The following XIRP2 variants were observed in gnomAD, a reference collection of about 807,000 sequenced individuals.
XIRP2 encodes the protein xin actin-binding repeat-containing protein 2.
XIRP2 carries 236 observed loss-of-function variants against 277.0 expected under a neutral mutation model. That is an observed-to-expected ratio of 0.85 (90% CI 0.77 to 0.95). XIRP2 has a LOEUF of 0.95. Ranked by LOEUF, XIRP2 falls within the 40% of genes least tolerant of loss-of-function variation. XIRP2 has a pLI of 0.00. For missense variants in XIRP2, 4,640 were observed against 4,157.5 expected, an observed-to-expected ratio of 1.12 and a Z score of -3.19; for synonymous variants, 1,490 against 1,416.5, an observed-to-expected ratio of 1.05 and a Z score of -1.17.
intron 3 of XIRP2, among the ~76,000 whole-genome samples, chr2:167,188,785 G>T (rs140658489): frequency 3.3e-5 from 5 of 152,180 alleles, no homozygotes; most frequent in African/African-American, 1.2e-4. Flanking sequence ...CCAACTGTTT[G>T]GGAAAAATGC....
rs150266093 is a variant in XIRP2 at position 167,115,521 on chromosome 2, T to C, written c.409-20388T>C. 1.3e-3 allele frequency among the ~76,000 whole-genome samples: 205 copies of C among 152,280 alleles called. 7 individuals are homozygous for C. In the East Asian group the frequency reaches 0.034, roughly 26 times the overall value. ...TTGAAGTTGCCGTCCTTTGGATGAA[T>C]TGTTTGGCTTTTTTCTTCTTTGATG... On this transcript the variant is annotated intron_variant, in intron 2 of 10. Coordinates refer to ENST00000409195, the MANE Select transcript of XIRP2 (RefSeq NM_152381.6).
intron 2 of XIRP2, among the ~76,000 whole-genome samples, chr2:167,087,616 C>T (rs1294892343): frequency 2.6e-5 from 4 of 152,306 alleles, no homozygotes; most frequent in Admixed American, 6.5e-5. Flanking sequence ...TAGGACCCTC[C>T]GAGCCAGGTG....
chr2:167,059,250 T>A (rs1457808965), intron 2 of XIRP2, among the ~76,000 whole-genome samples: 1 of 151,288 alleles, frequency 6.6e-6, no homozygotes, highest in East Asian at 1.9e-4. Context: ...ATTATAGGTT[T>A]CTACCACCAT....
intron 2 of XIRP2, among the ~76,000 whole-genome samples, chr2:167,102,683 A>G (rs1690518197): frequency 6.6e-6 from 1 of 152,224 alleles, no homozygotes; most frequent in African/African-American, 2.4e-5. Context: ...ATCTGTCTTC[A>G]GAAAGATCAA....
chr2:167,215,169 T>C (rs1452294510), intron 4 of XIRP2, among the ~76,000 whole-genome samples: 2 of 152,184 alleles, frequency 1.3e-5, no homozygotes, highest in Non-Finnish European at 2.9e-5. Flanking sequence ...TATTGTGGCC[T>C]TAATTCACCC....
chr2:166,973,067 GC>G (rs1319656427), intron 2 of XIRP2, among the ~76,000 whole-genome samples: 2 of 151,888 alleles, frequency 1.3e-5, no homozygotes, highest in African/African-American at 4.8e-5. Flanking sequence ...AGTAAATCTG[GC>G]TTGAATCGTT....
intron 5 of XIRP2, among the ~76,000 whole-genome samples, chr2:167,223,488 G>A (rs1038277506): frequency 3.9e-5 from 6 of 152,144 alleles, no homozygotes; most frequent in Non-Finnish European, 5.9e-5. Flanking sequence ...ACAATCTCTA[G>A]ACAATGCTAG....
intron 3 of XIRP2, among the ~76,000 whole-genome samples, chr2:167,181,851 C>T (rs960742436): frequency 3.3e-5 from 5 of 152,138 alleles, no homozygotes; most frequent in Non-Finnish European, 7.3e-5. Flanking sequence ...TGAGTCAAGA[C>T]GGTCCACATT....
intron 5 of XIRP2, among the ~76,000 whole-genome samples, chr2:167,227,361 G>A (rs1421171704): frequency 3.9e-5 from 6 of 152,050 alleles, no homozygotes; most frequent in Non-Finnish European, 8.8e-5. Flanking sequence ...TTTGCTGGTG[G>A]TAGACTATAT....
At chr2:167,183,505 T>C (rs1693074568) in intron 3 of XIRP2, among the ~76,000 whole-genome samples, 1 of 152,230 alleles carries the variant, frequency 6.6e-6, no homozygotes, top group Non-Finnish European at 1.5e-5. Flanking sequence ...AAGTTTTGTA[T>C]TTTGCTATTT....
chr2:167,033,198 C>T (rs1688414959), intron 2 of XIRP2, among the ~76,000 whole-genome samples: 1 of 152,014 alleles, frequency 6.6e-6, no homozygotes, highest in African/African-American at 2.4e-5. Flanking sequence ...GAACAGAAAA[C>T]CAAACACTGC....
chr2:167,249,080 A>C lies in XIRP2; in HGVS notation c.7688A>C (p.Gln2563Pro), dbSNP rs1336650475. The C allele has an allele frequency of 2.5e-6, 4 of 1,613,466 alleles. No individual in the cohort carries two copies. The highest frequency in any genetic ancestry group is 3.3e-5 in the Admixed American group (2 of 59,926). Reference sequence around the variant, plus strand: ...AAAGAAGAAATTGAAAAACAGAAACAGGAGAGTTCTTACTACAACATTGTT... The same window carrying C: ...AAAGAAGAAATTGAAAAACAGAAACCGGAGAGTTCTTACTACAACATTGTT... ...QQKEEIEKQK[Q>P]ESSYYNIVKT... The change falls in exon 9 of 11, where the codon CAG becomes CCG. Residue 2563 changes from glutamine (Q) to proline (P), a missense_variant. Gln to Pro is a moderately conservative substitution (Grantham distance 76). Coordinates refer to ENST00000409195, the MANE Select transcript of XIRP2 (RefSeq NM_152381.6).
Position 166,892,808 on chromosome 2 carries a change from G to GATATAT in XIRP2, c.-19+4265_-19+4270dup, listed in dbSNP as rs113558500. On this transcript the variant is annotated intron_variant, in intron 1 of 10. Transcript: ENST00000409195. Reference sequence around the variant, plus strand: ...CAGCCTCAGAGATCATTTCATAGAAGATATATATATATATATATAACTTCT... The same window carrying GATATAT: ...CAGCCTCAGAGATCATTTCATAGAAGATATATATATATATATATATATATAACTTCT... Among the ~76,000 whole-genome samples the GATATAT allele has an allele frequency of 4.7e-3, 680 of 143,220 alleles. 4 individuals are homozygous for GATATAT. Among genetic ancestry groups the GATATAT allele is most frequent in the African/African-American group, 0.015 (593 of 39,136 alleles). 94.0% of individuals were successfully genotyped at this position (143,220 alleles called of 152,430 possible). A position where few individuals can be genotyped will look rare whatever the true frequency, so the allele number is the denominator to read the frequency against.
At chr2:166,910,244 G>A (rs1684661896) in intron 2 of XIRP2, among the ~76,000 whole-genome samples, 1 of 152,086 alleles carries the variant, frequency 6.6e-6, no homozygotes, top group African/African-American at 2.4e-5. Context: ...TCTGGTCCTG[G>A]ACTTTTTTTG....
chr2:166,968,783 G>A (rs1686496370), intron 2 of XIRP2, among the ~76,000 whole-genome samples: 1 of 151,592 alleles, frequency 6.6e-6, no homozygotes, highest in South Asian at 2.1e-4. Context: ...TAGTACAATA[G>A]CATGTACGAA....
intron 4 of XIRP2, 99 bp downstream of exon 4, chr2:167,210,994 G>C (rs1694013738): frequency 3.5e-6 from 5 of 1,433,970 alleles, no homozygotes; most frequent in Non-Finnish European, 4.7e-6. Flanking sequence ...TGGACAGGGG[G>C]CTAAAGTAGA....
At position 167,243,379 on chromosome 2, in the gene XIRP2, T is replaced by A; in HGVS notation, c.1987T>A (p.Leu663Met). 6.2e-7 allele frequency: 1 copy of A among 1,613,980 alleles called. No individual in the cohort carries two copies. The highest frequency in any genetic ancestry group is 8.5e-7 in the Non-Finnish European group (1 of 1,179,964). The change falls in exon 9 of 11, where the codon TTG becomes ATG. Residue 663 changes from leucine to methionine, a missense_variant. Transcript: ENST00000409195. ...TARWMFETRP[L>M]DSMNKMHQSQ... ...TCGGTGGATGTTTGAAACAAGGCCA[T>A]TGGACTCAATGAATAAAATGCATCA...
chr2:166,905,488 T>C (rs1450688931), intron 2 of XIRP2, among the ~76,000 whole-genome samples: 1 of 151,948 alleles, frequency 6.6e-6, no homozygotes, highest in Non-Finnish European at 1.5e-5. Context: ...TGGTTTGCCA[T>C]CTAGTAACTA....
Position 167,248,680 on chromosome 2 carries a change from C to T in XIRP2, c.7288C>T (p.Pro2430Ser), listed in dbSNP as rs771079690. The stretch of plus-strand genomic sequence containing the variant: ...TCCCACATTGCCCAAACCCAAACTT[C>T]CCAAGCATATAAAAGATAATAAGAA... ...PPPTLPKPKL[P>S]KHIKDNKNDF... The change falls in exon 9 of 11, where the codon CCC becomes TCC. Residue 2430 changes from proline (P) to serine (S), a missense_variant. By Grantham distance (74) the Pro-to-Ser change is moderately conservative (BLOSUM62 -1). Coordinates refer to ENST00000409195, the MANE Select transcript of XIRP2 (RefSeq NM_152381.6). The T allele has an allele frequency of 1.5e-5, 24 of 1,613,728 alleles. No homozygotes were observed. The highest frequency in any genetic ancestry group is 1.9e-5 in the Non-Finnish European group (23 of 1,179,818).
Sources: gnomAD v4.1 joint callset for allele counts (sites outside exome capture counted in the v4.1 genomes callset) on GRCh38, gnomAD v4.1.1 for gene constraint, MANE v1.5 for transcripts, NCBI Gene and HGNC (gene_info 2026-07-23, HGNC 2026-07-21) for gene names.